HDX: variants seen among roughly 807,000 people sequenced by gnomAD.
The protein encoded by HDX is highly divergent homeobox, also known as chromosome X open reading frame 43.
HDX carries 19 observed loss-of-function variants against 45.2 expected under a neutral mutation model. That is an observed-to-expected ratio of 0.42 (90% CI 0.29 to 0.62). The LOEUF is 0.62. Ranked by LOEUF, HDX falls within the 20% of genes least tolerant of loss-of-function variation. HDX has a pLI of 0.20. For synonymous variants in HDX, 188 were observed against 172.8 expected (o/e 1.09, Z -0.69); for missense variants, 532 against 493.9 (o/e 1.08, Z -0.73).
At chrX:84,359,826 C>T (rs756186326) in intron 6 of HDX, among the ~76,000 whole-genome samples, 14 of 111,670 alleles carry the variant, frequency 1.3e-4, no homozygotes, top group African/African-American at 4.2e-4. Flanking sequence ...ACTATAAAAA[C>T]CTTAGAAGAA....
intron 5 of HDX, among the ~76,000 whole-genome samples, chrX:84,436,872 C>T (rs750969933): frequency 4.6e-5 from 5 of 108,433 alleles, no homozygotes; most frequent in South Asian, 3.9e-4. Flanking sequence ...AAATGCATTG[C>T]GTGTTTTTGT....
intron 5 of HDX, among the ~76,000 whole-genome samples, chrX:84,362,559 T>C (rs1445927936): frequency 3.7e-5 from 4 of 109,498 alleles, no homozygotes; most frequent in Non-Finnish European, 7.6e-5. Flanking sequence ...TCTGATGAAA[T>C]AGGGAGAGAA....
At chrX:84,452,445 A>C (rs2040020000) in intron 4 of HDX, among the ~76,000 whole-genome samples, 2 of 110,452 alleles carry the variant, frequency 1.8e-5, no homozygotes, top group South Asian at 7.6e-4. Flanking sequence ...AAATTTAACC[A>C]CAAGGGCAAA....
intron 5 of HDX, among the ~76,000 whole-genome samples, chrX:84,411,743 G>T (rs1602406345): frequency 1.8e-5 from 2 of 111,215 alleles, no homozygotes; most frequent in Non-Finnish European, 3.8e-5. Flanking sequence ...TCAACAATTT[G>T]TATAATACTG....
chrX:84,465,280 A>G (rs2040326119), intron 4 of HDX, among the ~76,000 whole-genome samples: 1 of 112,228 alleles, frequency 8.9e-6, no homozygotes, highest in Non-Finnish European at 1.9e-5. Flanking sequence ...TCAACGATCT[A>G]GAACCAGATA....
At chrX:84,488,324 AACACACACACACAC>A (rs200905875) in intron 1 of HDX, among the ~76,000 whole-genome samples, 192 bp from the exon 2 acceptor site, 25 of 94,838 alleles carry the variant, frequency 2.6e-4, no homozygotes, top group African/African-American at 8.3e-4. Context: ...TAAAATCTAA[AACACACACACACAC>A]ACACACACAC....
At chrX:84,360,533 T>A (rs2037596641) in intron 6 of HDX, among the ~76,000 whole-genome samples, 1 of 111,683 alleles carries the variant, frequency 9.0e-6, no homozygotes, top group Admixed American at 9.6e-5. Flanking sequence ...ATTTTCATCA[T>A]GCCAAAAATA....
At chrX:84,336,361 C>T (rs1039976196) in intron 8 of HDX, among the ~76,000 whole-genome samples, 4 of 110,640 alleles carry the variant, frequency 3.6e-5, no homozygotes, top group Non-Finnish European at 5.7e-5. Flanking sequence ...CCAAACACAC[C>T]ATCAATAGGT....
chrX:84,469,020 G>A lies in HDX; in HGVS notation c.703C>T (p.His235Tyr). 2 of 1,211,046 alleles carry A rather than the reference G, an allele frequency of 1.7e-6. No homozygotes were observed. Among genetic ancestry groups the A allele is most frequent in the Non-Finnish European group, 2.2e-6 (2 of 894,812 alleles). The change falls in exon 4 of 11, where the codon CAC (histidine) becomes TAC (tyrosine). Residue 235 changes from histidine to tyrosine, a missense_variant. Physicochemically the swap from His to Tyr is moderately conservative, Grantham distance 83. Coordinates refer to ENST00000373177, the MANE Select transcript of HDX (RefSeq NM_001177479.2). ...AAGTTATGTAATGCTGGGCCTGTGT[G>A]TTCAGGCTTATATGACCTTTGAATC... ...VGIQRSYKPE[H>Y]TGPALHNLCG...
intron 5 of HDX, among the ~76,000 whole-genome samples, chrX:84,367,640 G>C (rs771812261): frequency 1.9e-4 from 21 of 112,265 alleles, no homozygotes; most frequent in South Asian, 3.7e-4. Flanking sequence ...AGAAAATGTG[G>C]CACATATATA....
In HDX at chrX:84,321,191, A is replaced by G. The variant is rs1451628453; in HGVS notation, c.*698T>C. ...AGAATCCCCATCAAGACTAATTTTGACAACATTTTGTTTCTGTACACTTCG... is the reference window on the plus strand; with the variant it reads ...AGAATCCCCATCAAGACTAATTTTGGCAACATTTTGTTTCTGTACACTTCG... On this transcript the variant is annotated 3_prime_UTR_variant, in exon 11 of 11. Transcript: ENST00000373177. The G allele has an allele frequency of 9.0e-6, 1 of 110,891 alleles. No homozygotes were observed. The highest frequency in any genetic ancestry group is 3.3e-5 in the African/African-American group (1 of 30,714). The allele number at this position is 110,891 out of a possible 1,213,427, so 9.1% of individuals were successfully genotyped here.
chrX:84,380,618 A>T (rs2147902326), intron 5 of HDX, among the ~76,000 whole-genome samples: 1 of 111,690 alleles, frequency 9.0e-6, no homozygotes. Flanking sequence ...AATGAAAGGT[A>T]AAGACTTTAT....
chrX:84,479,462 A>T (rs1364387351), intron 2 of HDX, among the ~76,000 whole-genome samples: 2 of 112,147 alleles, frequency 1.8e-5, no homozygotes, highest in Non-Finnish European at 3.8e-5. Context: ...CCACTGAAGG[A>T]CATTGAATCT....
chrX:84,417,489 G>A (rs749502170), intron 5 of HDX, among the ~76,000 whole-genome samples: 147 of 112,187 alleles, frequency 1.3e-3, no homozygotes, highest in Non-Finnish European at 1.7e-3. Flanking sequence ...CTCCTCACTG[G>A]GAGAGGGAAA....
chrX:84,471,583 A>G (rs2040457266), intron 3 of HDX, among the ~76,000 whole-genome samples: 1 of 109,287 alleles, frequency 9.2e-6, no homozygotes, highest in African/African-American at 3.3e-5. Context: ...ATTCTACCTC[A>G]CCTGAAAGCA....
At chrX:84,400,807 A>G (rs1298341284) in intron 5 of HDX, among the ~76,000 whole-genome samples, 1 of 111,614 alleles carries the variant, frequency 9.0e-6, no homozygotes, top group Non-Finnish European at 1.9e-5. Context: ...AAACTATACT[A>G]CAAGGCTACA....
rs1602337070 is a variant in HDX, at chrX:84,374,107, C to T, written c.1306-12495G>A. Among the ~76,000 whole-genome samples, 3 of 110,886 alleles carry T rather than the reference C, an allele frequency of 2.7e-5. No homozygotes were observed. In the South Asian group the frequency reaches 1.2e-3, roughly 43 times the overall value. Reference sequence around the variant, plus strand: ...TACAAAAATCACAAGCATTCTTATACACCAATAATAGACAAACAGAGAGCC... The same window carrying T: ...TACAAAAATCACAAGCATTCTTATATACCAATAATAGACAAACAGAGAGCC... On this transcript the variant is annotated intron_variant, in intron 5 of 10. Coordinates refer to ENST00000373177, the MANE Select transcript of HDX (RefSeq NM_001177479.2).
At chrX:84,468,291 C>T (rs1225603874) in intron 4 of HDX, among the ~76,000 whole-genome samples, 181 bp downstream of exon 4, 3 of 111,389 alleles carry the variant, frequency 2.7e-5, no homozygotes, top group Admixed American at 9.5e-5. Flanking sequence ...AAAAAAAGAC[C>T]TCATCATTTA....
chrX:84,432,903 G>A lies in HDX; in HGVS notation c.1305+7629C>T, dbSNP rs765217867. On this transcript the variant is annotated intron_variant, in intron 5 of 10. Coordinates refer to ENST00000373177, the MANE Select transcript of HDX (RefSeq NM_001177479.2). ...GAGGGGGCATTCTTGTGTTGCTCTG[G>A]GTTTCAAGGGGAATGCTTCCAGCTT... is the stretch of plus-strand genomic sequence containing the variant. Among the ~76,000 whole-genome samples the A allele has an allele frequency of 1.1e-4, 12 of 110,995 alleles. No homozygotes were observed. In the East Asian group the frequency reaches 3.4e-3, roughly 32 times the overall value.
Sources: gnomAD v4.1 joint callset for allele counts (sites outside exome capture counted in the v4.1 genomes callset) on GRCh38, gnomAD v4.1.1 for gene constraint, MANE v1.5 for transcripts, NCBI Gene and HGNC (gene_info 2026-07-23, HGNC 2026-07-21) for gene names.